The following LEMD1 variants were observed in gnomAD, a reference collection of about 807,000 sequenced individuals.
LEMD1 encodes the protein LEM domain-containing protein 1.
A neutral mutation model predicts 17.4 loss-of-function variants in LEMD1; 18 were observed. That is an observed-to-expected ratio of 1.04 (90% CI 0.72 to 1.54). LEMD1 has a LOEUF of 1.54. LEMD1 is among the 40% of genes most tolerant of loss of function. LEMD1 has a pLI of 0.00. For synonymous variants in LEMD1, 88 were observed against 77.8 expected, an observed-to-expected ratio of 1.13 and a Z score of -0.69; for missense variants, 195 against 210.4, an observed-to-expected ratio of 0.93 and a Z score of 0.45.
chr1:205,405,398 G>A (rs910932325), intron 4 of LEMD1, among the ~76,000 whole-genome samples: 20 of 144,646 alleles, frequency 1.4e-4, no homozygotes, highest in East Asian at 7.9e-4. Context: ...GGCTTTGTTC[G>A]TTTCTTTTTA....
intron 4 of LEMD1, among the ~76,000 whole-genome samples, chr1:205,404,076 A>T (rs1403891030): frequency 6.6e-6 from 1 of 152,176 alleles, no homozygotes; most frequent in East Asian, 1.9e-4. Flanking sequence ...ACAGTTTGTT[A>T]TAATTTCTGT....
At chr1:205,435,110 T>G (rs553016577) in intron 1 of LEMD1, 1 of 152,154 alleles carries the variant, frequency 6.6e-6, no homozygotes, top group Non-Finnish European at 1.5e-5. Flanking sequence ...AGTGCAGGAG[T>G]TTAGCATGAT....
chr1:205,443,593 G>A lies in LEMD1; in HGVS notation c.-39+6275C>T, dbSNP rs140902623. Among the ~76,000 whole-genome samples the A allele has an allele frequency of 5.3e-5, 8 of 152,256 alleles. No individual in the cohort carries two copies. The East Asian group carries it at 1.5e-3, about 29-fold the overall frequency. ...GCTGGCTGCCTCAGTGGGATTCCTG[G>A]GTCCTTGTATCTAAGAGTAGAAAGT... On this transcript the variant is annotated intron_variant, in intron 1 of 3. Coordinates refer to the LEMD1 transcript ENST00000367154.
At chr1:205,439,907 A>G (rs1040859396) in intron 1 of LEMD1, among the ~76,000 whole-genome samples, 1 of 145,620 alleles carries the variant, frequency 6.9e-6, no homozygotes, top group Middle Eastern at 3.5e-3. Context: ...TTTGCTTCCT[A>G]CCTCCTGGAA....
At chr1:205,408,609 C>T (rs1469477734) in intron 4 of LEMD1, among the ~76,000 whole-genome samples, 1 of 150,762 alleles carries the variant, frequency 6.6e-6, no homozygotes, top group East Asian at 2.0e-4. Context: ...GCCATCCTTT[C>T]ACCTTGGCCT....
At chr1:205,414,615 G>A (rs929119362) in intron 4 of LEMD1, among the ~76,000 whole-genome samples, 1 of 151,904 alleles carries the variant, frequency 6.6e-6, no homozygotes, top group Non-Finnish European at 1.5e-5. Flanking sequence ...TAGAGACATG[G>A]TCTCCCTAGG....
At chr1:205,400,276 T>C (rs746450100) in intron 4 of LEMD1, among the ~76,000 whole-genome samples, 5 of 152,216 alleles carry the variant, frequency 3.3e-5, no homozygotes, top group Non-Finnish European at 7.3e-5. Context: ...TTGCCCACTA[T>C]TGAACTCCTG....
intron 1 of LEMD1, among the ~76,000 whole-genome samples, chr1:205,443,682 C>T (rs1490871847): frequency 6.6e-6 from 1 of 152,200 alleles, no homozygotes; most frequent in African/African-American, 2.4e-5. Flanking sequence ...GTTATCCTTC[C>T]TCTTCTCTAA....
Position 205,384,369 on chromosome 1 carries a change from TAAAC to T in LEMD1, c.271-9_271-6del. On this transcript the variant is annotated splice_polypyrimidine_tract_variant and splice_region_variant and intron_variant, in intron 4 of 5. Coordinates refer to ENST00000367153, the MANE Select transcript of LEMD1 (RefSeq NM_001199050.2). ...AGTGGTGGAAGCCTCAGGCCACTGA[TAAAC>T]AGAAAGAAAATGTCAAGAGGAATTT... 1 of 1,494,324 alleles carries T rather than the reference TAAAC, an allele frequency of 6.7e-7. No individual in the cohort carries two copies. Among genetic ancestry groups the T allele is most frequent in the South Asian group, 1.3e-5 (1 of 75,272 alleles). The allele number at this position is 1,494,324 out of a possible 1,614,324, so 92.6% of individuals were successfully genotyped here.
At chr1:205,421,448 T>C (rs1260700439) in intron 1 of LEMD1, among the ~76,000 whole-genome samples, 1 of 152,250 alleles carries the variant, frequency 6.6e-6, no homozygotes, top group Non-Finnish European at 1.5e-5. Context: ...TTATTCAGCA[T>C]AGGAGGATCT....
chr1:205,411,294 G>A (rs1219484297), intron 4 of LEMD1, among the ~76,000 whole-genome samples: 10 of 151,282 alleles, frequency 6.6e-5, no homozygotes, highest in Non-Finnish European at 1.0e-4. Flanking sequence ...AGGGCCAGGC[G>A]CAGTGGCTCA....
chr1:205,390,676 A>T (rs1441716953), intron 4 of LEMD1, among the ~76,000 whole-genome samples: 1 of 152,234 alleles, frequency 6.6e-6, no homozygotes, highest in African/African-American at 2.4e-5. Context: ...AGTCAACTTC[A>T]TTTCTATACA....
intron 4 of LEMD1, among the ~76,000 whole-genome samples, chr1:205,396,316 G>A (rs1007317081): frequency 6.6e-6 from 1 of 152,140 alleles, no homozygotes; most frequent in Admixed American, 6.5e-5. Flanking sequence ...CCAGCCCCTG[G>A]AGTTCTTAAT....
Position 205,384,287 on chromosome 1 carries a change from C to T in LEMD1, c.347+1G>A, listed in dbSNP as rs1280882145. The stretch of plus-strand genomic sequence containing the variant: ...CCACATATGCTAAAAAACATCATTA[C>T]CTTCTTCCCTTGGAAGGCTTATAAT... On this transcript the variant is annotated splice_donor_variant, in intron 5 of 5. Coordinates refer to ENST00000367153, the MANE Select transcript of LEMD1 (RefSeq NM_001199050.2). LOFTEE classifies it high-confidence loss of function. 3 of 1,485,804 alleles carry T rather than the reference C, an allele frequency of 2.0e-6. No homozygotes were observed. Among genetic ancestry groups the T allele is most frequent in the Admixed American group, 5.2e-5 (2 of 38,266 alleles). The allele number at this position is 1,485,804 out of a possible 1,614,324, so 92.0% of individuals were successfully genotyped here. A position where few individuals can be genotyped will look rare whatever the true frequency, so the allele number is the denominator to read the frequency against.
chr1:205,387,750 C>A (rs779402622), intron 4 of LEMD1, among the ~76,000 whole-genome samples: 4 of 152,116 alleles, frequency 2.6e-5, no homozygotes, highest in African/African-American at 4.8e-5. Context: ...CATTCAAGTC[C>A]GAAAATTCCA....
At chr1:205,423,200 T>C (rs1666006849), upstream of LEMD1, among the ~76,000 whole-genome samples, 1 of 152,152 alleles carries the variant, frequency 6.6e-6, no homozygotes, top group Non-Finnish European at 1.5e-5. Context: ...TCATTGAGTC[T>C]CCCAGGCTGT....
At chr1:205,415,495 G>A (rs1033685731) in intron 4 of LEMD1, among the ~76,000 whole-genome samples, 5 of 152,108 alleles carry the variant, frequency 3.3e-5, no homozygotes, top group African/African-American at 1.2e-4. Flanking sequence ...ACCAAAGAGT[G>A]GCAGAATTCT....
intron 4 of LEMD1, among the ~76,000 whole-genome samples, chr1:205,404,930 G>T (rs1176850728): frequency 3.9e-5 from 6 of 152,004 alleles, no homozygotes; most frequent in Admixed American, 3.9e-4. Context: ...TTGCTTGTCG[G>T]TAAAGTATTT....
chr1:205,384,347 G>T lies in LEMD1; in HGVS notation c.288C>A (p.Thr96=). ...AGGTATCTACAGCTTTGCGTTTAGT[G>T]GTGGAAGCCTCAGGCCACTGATAAA... ...KKLKKWPEAS[T]TKRKAVDTYC... is the part of the protein sequence containing the mutation. Residue 96 remains threonine, a synonymous_variant, in exon 5 of 6, where the codon ACC becomes ACA. Coordinates refer to ENST00000367153, the MANE Select transcript of LEMD1 (RefSeq NM_001199050.2). 1.3e-6 allele frequency: 2 copies of T among 1,519,802 alleles called. No homozygotes were observed. Among genetic ancestry groups the T allele is most frequent in the Non-Finnish European group, 8.8e-7 (1 of 1,133,942 alleles). The allele number at this position is 1,519,802 out of a possible 1,614,324, so 94.1% of individuals were successfully genotyped here.
Sources: gnomAD v4.1 joint callset for allele counts (sites outside exome capture counted in the v4.1 genomes callset) on GRCh38, gnomAD v4.1.1 for gene constraint, MANE v1.5 for transcripts, NCBI Gene and HGNC (gene_info 2026-07-23, HGNC 2026-07-21) for gene names.